COL18A1: variants seen among roughly 807,000 people sequenced by gnomAD.
The protein encoded by COL18A1 is collagen type XVIII alpha 1 chain.
COL18A1 carries 133 observed loss-of-function variants against 168.0 expected under a neutral mutation model. The observed-to-expected ratio is 0.79, with a 90% CI of 0.69 to 0.91. COL18A1 has a LOEUF of 0.91. Ranked by LOEUF, COL18A1 falls within the 40% of genes least tolerant of loss-of-function variation. COL18A1 has a pLI of 0.00. For missense variants in COL18A1, 2,126 were observed against 1,925.4 expected, an observed-to-expected ratio of 1.10 and a Z score of -1.95; for synonymous variants, 949 against 809.0, an observed-to-expected ratio of 1.17 and a Z score of -2.94.
chr21:45,469,024 T>C (rs567437160), intron 3 of COL18A1, among the ~76,000 whole-genome samples: 2 of 152,280 alleles, frequency 1.3e-5, no homozygotes, highest in African/African-American at 4.8e-5. Flanking sequence ...CTTTCTTGGC[T>C]CTCTGGCTCC....
At chr21:45,486,691 C>T (rs1006507409) in intron 15 of COL18A1, among the ~76,000 whole-genome samples, 170 bp from the exon 16 acceptor site, 1 of 152,222 alleles carries the variant, frequency 6.6e-6, no homozygotes, top group African/African-American at 2.4e-5. Context: ...GAAATCGTGT[C>T]GTAAAGTTAG....
At chr21:45,461,315 A>G (rs1402770833) in intron 2 of COL18A1, among the ~76,000 whole-genome samples, 1 of 152,152 alleles carries the variant, frequency 6.6e-6, no homozygotes, top group Non-Finnish European at 1.5e-5. Context: ...GAAATGGTCC[A>G]GTAGTCCAAC....
intron 2 of COL18A1, among the ~76,000 whole-genome samples, chr21:45,462,840 AT>A (rs2035089083): frequency 6.6e-6 from 1 of 152,070 alleles, no homozygotes; most frequent in Non-Finnish European, 1.5e-5. Flanking sequence ...AAAAGTGAAC[AT>A]TTGAACTCAG....
intron 7 of COL18A1, 32 bp downstream of exon 7, chr21:45,477,519 T>G (rs1406649048): frequency 3.2e-6 from 5 of 1,575,784 alleles, no homozygotes; most frequent in Middle Eastern, 1.7e-4. Context: ...CCTGAACCAT[T>G]CTGAACCAGA....
chr21:45,511,741 C>T (rs1399850438), intron 41 of COL18A1, among the ~76,000 whole-genome samples: 1 of 152,172 alleles, frequency 6.6e-6, no homozygotes, highest in African/African-American at 2.4e-5. Context: ...ACAGCGTGTC[C>T]CCAGCAGTGC....
chr21:45,511,686 G>A (rs980461970), intron 41 of COL18A1, among the ~76,000 whole-genome samples: 55 of 152,124 alleles, frequency 3.6e-4, no homozygotes, highest in Admixed American at 1.2e-3. Context: ...TGAGCGCCGC[G>A]ATTCTTCCAA....
intron 13 of COL18A1, among the ~76,000 whole-genome samples, chr21:45,481,235 A>G (rs1379811688): frequency 6.6e-6 from 1 of 152,286 alleles, no homozygotes; most frequent in East Asian, 1.9e-4. Context: ...TGCTTGGCCA[A>G]CGCGGCTCGT....
At position 45,473,645 on chromosome 21, in the gene COL18A1, C is replaced by T. The variant is rs56693183; in HGVS notation, c.652-250C>T. ...GGCCCATCAGCTGCCTCAGATGAGC[C>T]AAGTCTGAGGGAGCAGCCTCCGCCC... is the stretch of plus-strand genomic sequence containing the variant. On this transcript the variant is annotated intron_variant, in intron 3 of 41. Transcript: ENST00000651438. This position sits in a 1 kb window ranked among gnomAD's most constrained non-coding sequence, Gnocchi z 4.0. 4.0e-3 allele frequency among the ~76,000 whole-genome samples: 612 copies of T among 152,268 alleles called. 6 individuals carry two copies. Among genetic ancestry groups the T allele is most frequent in the African/African-American group, 0.014 (591 of 41,546 alleles).
chr21:45,492,199 C>T (rs1034435236), intron 22 of COL18A1, among the ~76,000 whole-genome samples: 10 of 152,174 alleles, frequency 6.6e-5, no homozygotes, highest in Non-Finnish European at 1.2e-4. Flanking sequence ...GGGACCTCGG[C>T]GTGACGGTCA....
At chr21:45,421,413 G>A (rs11701479) in intron 2 of COL18A1, 12,989 of 534,274 alleles carry the variant, frequency 0.024, 175 homozygotes, top group Non-Finnish European at 0.031. Context: ...GCCAGAGTCC[G>A]CCCGTGTGGA....
At chr21:45,449,863 AG>A (rs34869404) in intron 2 of COL18A1, among the ~76,000 whole-genome samples, 19,564 of 134,068 alleles carry the variant, frequency 0.15, 1,455 homozygotes, top group East Asian at 0.23. Flanking sequence ...CAGAGATGTC[AG>A]GGGGCACTCT....
At position 45,405,377 on chromosome 21, in the gene COL18A1, A is replaced by T. The variant is rs1467976097; in HGVS notation, c.12-2A>T. On this transcript the variant is annotated splice_acceptor_variant, in intron 1 of 41. Transcript: ENST00000651438. LOFTEE classifies it high-confidence loss of function. ...GGTCTGACCCGTGCCTGTCCCGCGCAGGTGCCCCTGGCCATGGCCGCGGCG... is the reference window on the plus strand; with the variant it reads ...GGTCTGACCCGTGCCTGTCCCGCGCTGGTGCCCCTGGCCATGGCCGCGGCG... 4 of 1,158,858 alleles carry T rather than the reference A, an allele frequency of 3.5e-6. No individual in the cohort carries two copies. Among genetic ancestry groups the T allele is most frequent in the Admixed American group, 5.5e-5 (1 of 18,250 alleles). The allele number at this position is 1,158,858 out of a possible 1,614,324, so 71.8% of individuals were successfully genotyped here.
At chr21:45,479,345 CACTA>C (rs56388232) in intron 9 of COL18A1, among the ~76,000 whole-genome samples, 1,878 of 148,952 alleles carry the variant, frequency 0.013, 16 homozygotes, top group Non-Finnish European at 0.02. Context: ...TGCATACACA[CACTA>C]CACACACGTG....
intron 32 of COL18A1, 58 bp from the exon 33 acceptor site, chr21:45,503,953 G>A: frequency 6.2e-7 from 1 of 1,605,732 alleles, no homozygotes; most frequent in Non-Finnish European, 8.5e-7. Context: ...GGCTGCAGAG[G>A]GAACCCGGCG....
At chr21:45,407,129 G>T (rs745511977) in intron 2 of COL18A1, among the ~76,000 whole-genome samples, 4 of 152,252 alleles carry the variant, frequency 2.6e-5, no homozygotes, top group Non-Finnish European at 5.9e-5. Context: ...GCCACCCGCA[G>T]CCCGGGTTCC....
chr21:45,468,263 G>T lies in COL18A1; in HGVS notation c.128G>T (p.Gly43Val). 6.2e-7 allele frequency: 1 copy of T among 1,613,062 alleles called. No homozygotes were observed. Residue 43 changes from glycine to valine, a missense_variant, in exon 3 of 42, where the codon GGG becomes GTG. Coordinates refer to ENST00000651438, the MANE Select transcript of COL18A1 (RefSeq NM_001379500.1). The part of the protein sequence containing the change: ...AEPERISEEV[G>V]LLQLLGDPPP... ...GCAGAGCGCATCAGCGAGGAGGTGG[G>T]GCTGCTGCAGCTCCTTGGGGACCCC...
intron 2 of COL18A1, among the ~76,000 whole-genome samples, chr21:45,429,104 T>C (rs538089998): frequency 1.3e-5 from 2 of 152,226 alleles, no homozygotes; most frequent in South Asian, 2.1e-4. Context: ...GGTTTCATCA[T>C]GTTGGCCAGG....
intron 2 of COL18A1, among the ~76,000 whole-genome samples, chr21:45,438,411 G>T (rs1448279160): frequency 1.3e-5 from 2 of 151,814 alleles, no homozygotes; most frequent in Non-Finnish European, 2.9e-5. Flanking sequence ...CACACTCCAG[G>T]GCTGGGCAGG....
At chr21:45,493,092 G>A (rs2036412696) in intron 24 of COL18A1, 71 bp from the exon 25 acceptor site, 11 of 1,436,924 alleles carry the variant, frequency 7.7e-6, no homozygotes, top group South Asian at 2.4e-5. Flanking sequence ...GCTGTCGGGG[G>A]AGATGGAGCA....
Sources: allele counts gnomAD v4.1 joint callset (sites outside exome capture counted in the v4.1 genomes callset), GRCh38; gene constraint gnomAD v4.1.1; non-coding constraint Gnocchi (gnomAD v3.1); transcripts MANE v1.5; gene names NCBI Gene and HGNC (gene_info 2026-07-23, HGNC 2026-07-21).